The following PRPF6 variants were observed in gnomAD, a reference collection of about 807,000 sequenced individuals.
PRPF6 encodes the protein pre-mRNA-processing factor 6.
A neutral mutation model predicts 118.3 loss-of-function variants in PRPF6; 42 were observed. That is an observed-to-expected ratio of 0.35 (90% CI 0.28 to 0.46). The LOEUF is 0.46. PRPF6 is among the 20% of genes least tolerant of loss of function. The pLI is 1.00. For synonymous variants in PRPF6, 481 were observed against 485.1 expected (o/e 0.99, Z 0.11); for missense variants, 662 against 1,255.7 (o/e 0.53, Z 7.15).
At chr20:63,987,083 T>C (rs935140882) in intron 3 of PRPF6, among the ~76,000 whole-genome samples, 4 of 147,904 alleles carry the variant, frequency 2.7e-5, no homozygotes, top group Admixed American at 1.4e-4. Context: ...GATGGGAGAA[T>C]TACTTGAGCC....
At chr20:63,984,644 T>C (rs1418108167) in intron 2 of PRPF6, among the ~76,000 whole-genome samples, 2 of 152,190 alleles carry the variant, frequency 1.3e-5, no homozygotes, top group African/African-American at 2.4e-5. Flanking sequence ...AATGTCCGCT[T>C]TCTGGCTTAG....
intron 4 of PRPF6, among the ~76,000 whole-genome samples, chr20:63,994,059 C>T (rs888926039): frequency 4.0e-5 from 6 of 151,018 alleles, no homozygotes; most frequent in African/African-American, 7.3e-5. Context: ...CCCATTTATA[C>T]GTAAGATTTT....
Position 64,026,909 on chromosome 20 carries a change from T to C in PRPF6, c.2029-73T>C. ...CACACAGTACTGCAGGTAACAGTGT[T>C]GAGGATGAGTGTACCATGAAGCACG... On this transcript the variant is annotated intron_variant, in intron 15 of 20. Transcript: ENST00000266079. This position sits in a 1 kb window ranked among gnomAD's most constrained non-coding sequence, Gnocchi z 4.4. 1.3e-6 allele frequency: 2 copies of C among 1,517,906 alleles called. No homozygotes were observed. Among genetic ancestry groups the C allele is most frequent in the Non-Finnish European group, 1.8e-6 (2 of 1,094,190 alleles). The allele number at this position is 1,517,906 out of a possible 1,614,324, so 94.0% of individuals were successfully genotyped here.
chr20:64,007,764 G>A (rs938812560), intron 9 of PRPF6, among the ~76,000 whole-genome samples: 1 of 151,918 alleles, frequency 6.6e-6, no homozygotes, highest in African/African-American at 2.4e-5. Context: ...ACCACAATCA[G>A]CTGCCTGGCC....
chr20:63,990,457 A>G (rs1047287535), intron 3 of PRPF6, among the ~76,000 whole-genome samples: 1 of 151,444 alleles, frequency 6.6e-6, no homozygotes, highest in African/African-American at 2.4e-5. Context: ...TTAAACGTGA[A>G]TGGCATTGCA....
At chr20:63,983,721 C>G (rs2059081559) in intron 2 of PRPF6, among the ~76,000 whole-genome samples, 1 of 141,762 alleles carries the variant, frequency 7.1e-6, no homozygotes, top group Non-Finnish European at 1.5e-5. Flanking sequence ...GTGGTGTGAT[C>G]TCAGCTCACT....
chr20:64,030,524 G>C (rs2059309997), intron 19 of PRPF6, among the ~76,000 whole-genome samples: 2 of 152,130 alleles, frequency 1.3e-5, no homozygotes, highest in Non-Finnish European at 2.9e-5. Flanking sequence ...CCTCTCCCCT[G>C]CCCGCAGGCC....
In PRPF6 at chr20:64,031,911, G is replaced by A; in HGVS notation, c.2547-7G>A. 1 of 1,614,064 alleles carries A rather than the reference G, an allele frequency of 6.2e-7. No individual in the cohort carries two copies. Among genetic ancestry groups the A allele is most frequent in the Non-Finnish European group, 8.5e-7 (1 of 1,180,008 alleles). Reference sequence around the variant, plus strand: ...CACTCTGGGTTCACGTCCTTCTGCTGGAACAGGCTGTTTTGGAGTCAGCGG... The same window carrying A: ...CACTCTGGGTTCACGTCCTTCTGCTAGAACAGGCTGTTTTGGAGTCAGCGG... On this transcript the variant is annotated splice_polypyrimidine_tract_variant and splice_region_variant and intron_variant, in intron 19 of 20. Coordinates refer to ENST00000266079, the MANE Select transcript of PRPF6 (RefSeq NM_012469.4).
chr20:64,004,528 C>G (rs1054206895), intron 9 of PRPF6, among the ~76,000 whole-genome samples: 2 of 152,224 alleles, frequency 1.3e-5, no homozygotes, highest in African/African-American at 4.8e-5. Flanking sequence ...GGGAGCCTGG[C>G]AGTGCATGGT....
chr20:63,999,517 G>A, intron 7 of PRPF6, 86 bp from the exon 8 acceptor site: 1 of 1,533,528 alleles, frequency 6.5e-7, no homozygotes, highest in Non-Finnish European at 9.0e-7. Context: ...CTTACATTGT[G>A]ACTGTGAAGT....
At chr20:64,021,872 G>C (rs137975643) in intron 12 of PRPF6, among the ~76,000 whole-genome samples, 1 of 111,148 alleles carries the variant, frequency 9.0e-6, no homozygotes, top group African/African-American at 3.5e-5. Context: ...CATGTGCCTC[G>C]GCCACAGCCC....
chr20:64,026,839 C>A lies in PRPF6; in HGVS notation c.2029-143C>A. On this transcript the variant is annotated intron_variant, in intron 15 of 20. Coordinates refer to ENST00000266079, the MANE Select transcript of PRPF6 (RefSeq NM_012469.4). The surrounding 1 kb of genome is among the most constrained non-coding windows in gnomAD (Gnocchi z 4.4). ...CAAAACAAAAACATATATTTATCCC[C>A]ACCTTTTGTGTACACAAACAGGCTA... 2 of 845,324 alleles carry A rather than the reference C, an allele frequency of 2.4e-6. No homozygotes were observed. Among genetic ancestry groups the A allele is most frequent in the Non-Finnish European group, 3.9e-6 (2 of 517,592 alleles). 52.4% of individuals were successfully genotyped at this position (845,324 alleles called of 1,614,324 possible). A position where few individuals can be genotyped will look rare whatever the true frequency, so the allele number is the denominator to read the frequency against.
At position 64,028,903 on chromosome 20, in the gene PRPF6, G is replaced by A. The variant is rs1033063427; in HGVS notation, c.2431+334G>A. ...TGGCCAGGTGTGGTGGCTCATGCCT[G>A]TAATCTCAGCACTTTGAGAGACTGA... On this transcript the variant is annotated intron_variant, in intron 18 of 20. Transcript: ENST00000266079. The surrounding 1 kb of genome is among the most constrained non-coding windows in gnomAD (Gnocchi z 6.5). Among the ~76,000 whole-genome samples, 4 of 152,192 alleles carry A rather than the reference G, an allele frequency of 2.6e-5. No homozygotes were observed. The highest frequency in any genetic ancestry group is 9.7e-5 in the African/African-American group (4 of 41,440).
Position 63,995,392 on chromosome 20 carries a change from G to T in PRPF6, c.681G>T (p.Thr227=). 5 of 1,614,088 alleles carry T rather than the reference G, an allele frequency of 3.1e-6. No homozygotes were observed. The highest frequency in any genetic ancestry group is 4.2e-6 in the Non-Finnish European group (5 of 1,180,014). The change falls in exon 6 of 21, where the codon ACG becomes ACT. Residue 227 remains threonine (T), a synonymous_variant. Transcript: ENST00000266079. ...GLNTPYPGGM[T]PGLMTPGTGE... is the part of the protein sequence containing the mutation. The stretch of plus-strand genomic sequence containing the variant: ...ACACTCCATACCCAGGTGGAATGAC[G>T]CCAGGACTGATGACACCTGGCACAG...
Position 64,011,405 on chromosome 20 carries a change from G to T in PRPF6, c.1426G>T (p.Ala476Ser). ...GATCACGGCTGCTAAGCTGGAGGAAGCCAATGGGAACACGCAGATGGTGGA... is the reference window on the plus strand; with the variant it reads ...GATCACGGCTGCTAAGCTGGAGGAATCCAATGGGAACACGCAGATGGTGGA... ...IWITAAKLEE[A>S]NGNTQMVEKI... The change falls in exon 11 of 21, where the codon GCC becomes TCC. Residue 476 changes from alanine (A) to serine (S), a missense_variant. Around this residue, in one of 10 missense-constraint regions of PRPF6, gnomAD observed 189 missense variants for 323.5 expected, o/e 0.58. Coordinates refer to ENST00000266079, the MANE Select transcript of PRPF6 (RefSeq NM_012469.4). The surrounding 1 kb of genome is among the most constrained non-coding windows in gnomAD (Gnocchi z 6.7). The T allele has an allele frequency of 6.2e-7, 1 of 1,614,240 alleles. No homozygotes were observed. Among genetic ancestry groups the T allele is most frequent in the Non-Finnish European group, 8.5e-7 (1 of 1,180,046 alleles).
Position 64,010,870 on chromosome 20 carries a change from T to C in PRPF6, c.1306-415T>C, listed in dbSNP as rs568041934. Among the ~76,000 whole-genome samples, 83 of 152,332 alleles carry C rather than the reference T, an allele frequency of 5.4e-4. No homozygotes were observed. In the South Asian group the frequency reaches 0.017, roughly 31 times the overall value. ...CTTATTTTATTTACATAAAAATGAA[T>C]AAAGCCCGTACACATCTTAGGGATG... On this transcript the variant is annotated intron_variant, in intron 10 of 20. Transcript: ENST00000266079.
intron 6 of PRPF6, among the ~76,000 whole-genome samples, chr20:63,996,347 A>G (rs1403205616): frequency 6.6e-6 from 1 of 151,818 alleles, no homozygotes; most frequent in Non-Finnish European, 1.5e-5. Flanking sequence ...AAAATAAAAA[A>G]CAAAAACAAA....
At chr20:64,003,954 T>G (rs921057066) in intron 9 of PRPF6, among the ~76,000 whole-genome samples, 1 of 152,178 alleles carries the variant, frequency 6.6e-6, no homozygotes, top group Admixed American at 6.5e-5. Context: ...CCTGTCTGGG[T>G]TTGTAGAAAT....
intron 3 of PRPF6, among the ~76,000 whole-genome samples, chr20:63,988,840 G>A (rs1336051274): frequency 6.6e-6 from 1 of 151,596 alleles, no homozygotes; most frequent in Non-Finnish European, 1.5e-5. Context: ...TTGCACTCCG[G>A]CCTGGGCAAC....
Sources: gnomAD v4.1 joint callset for allele counts (sites outside exome capture counted in the v4.1 genomes callset) on GRCh38, gnomAD v4.1.1 for gene constraint, gnomAD v4.1.1 regional missense constraint, Gnocchi (gnomAD v3.1) non-coding constraint, MANE v1.5 for transcripts, NCBI Gene and HGNC (gene_info 2026-07-23, HGNC 2026-07-21) for gene names.